Variants in CHIC1 observed in about 807,000 individuals in gnomAD.
The protein encoded by CHIC1 is cysteine-rich hydrophobic domain-containing protein 1.
CHIC1 carries 7 observed loss-of-function variants against 18.5 expected under a neutral mutation model. The ratio of observed to expected loss-of-function variants is 0.38; its 90% confidence interval spans 0.22 to 0.71. The LOEUF is 0.71. Among genes scored for constraint, CHIC1 ranks in the 30% least tolerant of loss-of-function variants. The probability of loss-of-function intolerance (pLI) is 0.49; values close to 1 mark genes in which losing one functional copy is unlikely to be tolerated. For synonymous variants in CHIC1, 77 were observed against 73.5 expected (o/e 1.05, Z -0.25); for missense variants, 159 against 176.9 (o/e 0.90, Z 0.57).
intron 3 of CHIC1, among the ~76,000 whole-genome samples, chrX:73,659,009 CA>C (rs1423965897): frequency 1.8e-5 from 2 of 111,660 alleles, no homozygotes; most frequent in African/African-American, 6.5e-5. Context: ...AGAGTCCCAG[CA>C]GCCATGGCCC....
upstream of CHIC1, chrX:73,563,160 C>A: frequency 3.1e-6 from 1 of 326,859 alleles, no homozygotes. Context: ...CACGCAGGCG[C>A]GTCTCCTCAA....
intron 3 of CHIC1, among the ~76,000 whole-genome samples, chrX:73,673,233 TC>T (rs1297925441): frequency 1.2e-4 from 13 of 111,744 alleles, no homozygotes; most frequent in Admixed American, 9.5e-5. Context: ...CGATGCGGGC[TC>T]TTTTTTGGTT....
At chrX:73,672,926 T>C (rs1468193272) in intron 3 of CHIC1, among the ~76,000 whole-genome samples, 1 of 112,071 alleles carries the variant, frequency 8.9e-6, no homozygotes, top group African/African-American at 3.3e-5. Flanking sequence ...TTAATCCATC[T>C]TGAATTAATT....
At chrX:73,608,497 C>T (rs2057693113) in intron 3 of CHIC1, among the ~76,000 whole-genome samples, 2 of 108,176 alleles carry the variant, frequency 1.8e-5, no homozygotes, top group African/African-American at 7.2e-5. Context: ...GTAGTATTGT[C>T]ATCTTAACAA....
At chrX:73,629,577 A>G (rs2057798126) in intron 3 of CHIC1, among the ~76,000 whole-genome samples, 1 of 112,127 alleles carries the variant, frequency 8.9e-6, no homozygotes, top group South Asian at 3.7e-4. Flanking sequence ...TCCAATGTGT[A>G]TGCTTGTTTT....
At chrX:73,621,680 C>A (rs1453132368) in intron 3 of CHIC1, among the ~76,000 whole-genome samples, 1 of 111,666 alleles carries the variant, frequency 9.0e-6, no homozygotes, top group Non-Finnish European at 1.9e-5. Flanking sequence ...ATTTGAATAC[C>A]CTTTATTTCT....
At chrX:73,651,027 G>A (rs2057913695) in intron 3 of CHIC1, among the ~76,000 whole-genome samples, 1 of 111,732 alleles carries the variant, frequency 8.9e-6, no homozygotes, top group Non-Finnish European at 1.9e-5. Context: ...TGCAAGGCTG[G>A]TTCAACATAC....
At chrX:73,665,105 C>T (rs2057998188) in intron 3 of CHIC1, among the ~76,000 whole-genome samples, 1 of 112,157 alleles carries the variant, frequency 8.9e-6, no homozygotes, top group Non-Finnish European at 1.9e-5. Context: ...TGCCACTTGC[C>T]TAAGACAGGG....
At position 73,683,983 on chromosome X, in the gene CHIC1, G is replaced by T. The variant is rs979248828; in HGVS notation, c.*2978G>T. The T allele has an allele frequency of 1.8e-5, 2 of 112,011 alleles. No homozygotes were observed. The highest frequency in any genetic ancestry group is 6.5e-5 in the African/African-American group (2 of 30,857). 9.2% of individuals were successfully genotyped at this position (112,011 alleles called of 1,213,427 possible). On this transcript the variant is annotated 3_prime_UTR_variant, in exon 6 of 6. Coordinates refer to ENST00000373502, the MANE Select transcript of CHIC1 (RefSeq NM_001039840.4). ...TTAGAAGAAGATGGAGAAGTGCCTT[G>T]TCTTTTTAGAACAAAGATAACACAT...
chrX:73,667,980 GTTTC>G (rs1156903308), intron 3 of CHIC1, among the ~76,000 whole-genome samples: 1 of 111,567 alleles, frequency 9.0e-6, no homozygotes, highest in Non-Finnish European at 1.9e-5. Flanking sequence ...CATTCTCCCA[GTTTC>G]TTTCAGGTAC....
At chrX:73,575,684 T>C (rs1010977618) in intron 1 of CHIC1, among the ~76,000 whole-genome samples, 4 of 108,214 alleles carry the variant, frequency 3.7e-5, no homozygotes, top group African/African-American at 1.4e-4. Context: ...GACCAGAAGT[T>C]GCTCTGTGTG....
intron 3 of CHIC1, among the ~76,000 whole-genome samples, chrX:73,641,369 T>G (rs959097046): frequency 2.7e-5 from 3 of 110,755 alleles, no homozygotes; most frequent in African/African-American, 9.9e-5. Flanking sequence ...AATGTTGAGT[T>G]TGGGACCTTT....
intron 2 of CHIC1, among the ~76,000 whole-genome samples, chrX:73,581,112 G>C (rs914896883): frequency 2.7e-5 from 3 of 110,688 alleles, no homozygotes; most frequent in Admixed American, 9.6e-5. Flanking sequence ...GGGGAGACTA[G>C]TGTGCAGTGT....
At chrX:73,678,633 T>G (rs1262230656) in intron 3 of CHIC1, among the ~76,000 whole-genome samples, 1 of 112,466 alleles carries the variant, frequency 8.9e-6, no homozygotes, top group Admixed American at 9.3e-5. Context: ...TTTATTTTAA[T>G]GTTTTGAAAA....
chrX:73,579,000 TC>T (rs2057514342), intron 2 of CHIC1, among the ~76,000 whole-genome samples: 1 of 110,443 alleles, frequency 9.1e-6, no homozygotes, highest in South Asian at 3.7e-4. Context: ...ATCACAATCT[TC>T]CCCCCAGCCT....
chrX:73,676,110 C>A (rs2058061203), intron 3 of CHIC1, among the ~76,000 whole-genome samples: 1 of 112,224 alleles, frequency 8.9e-6, no homozygotes, highest in Non-Finnish European at 1.9e-5. Flanking sequence ...TGCTGTTAGT[C>A]TGATGGGCTT....
Position 73,685,660 on chromosome X carries a change from G to A in CHIC1, c.*4655G>A, listed in dbSNP as rs2147639215. On this transcript the variant is annotated 3_prime_UTR_variant, in exon 6 of 6. Coordinates refer to ENST00000373502, the MANE Select transcript of CHIC1 (RefSeq NM_001039840.4). ...GGACCTACCTCACAGGGGAATTGAGGATATTTTCATATATTAGTGTGCTTT... is the reference window on the plus strand; with the variant it reads ...GGACCTACCTCACAGGGGAATTGAGAATATTTTCATATATTAGTGTGCTTT... The A allele has an allele frequency of 9.0e-6, 1 of 111,401 alleles. No homozygotes were observed. Among genetic ancestry groups the A allele is most frequent in the Non-Finnish European group, 1.9e-5 (1 of 52,911 alleles). The allele number at this position is 111,401 out of a possible 1,213,427, so 9.2% of individuals were successfully genotyped here.
rs1265567241 is a variant in CHIC1 at position 73,685,917 on chromosome X, T to C, written c.*4912T>C. 9.0e-6 allele frequency: 1 copy of C among 111,255 alleles called. No homozygotes were observed. The highest frequency in any genetic ancestry group is 1.9e-5 in the Non-Finnish European group (1 of 52,882). 9.2% of individuals were successfully genotyped at this position (111,255 alleles called of 1,213,427 possible). On this transcript the variant is annotated 3_prime_UTR_variant, in exon 6 of 6. Transcript: ENST00000373502. ...AAAGCAGGTGGATGTAAATCAGTGA[T>C]TCCCAACTTCAGCAGATGATAGCAG... is the stretch of plus-strand genomic sequence containing the variant.
At chrX:73,613,143 T>A (rs1045342733) in intron 3 of CHIC1, among the ~76,000 whole-genome samples, 1 of 112,227 alleles carries the variant, frequency 8.9e-6, no homozygotes, top group Non-Finnish European at 1.9e-5. Flanking sequence ...TAGTTTTTGT[T>A]TGCATGGAGT....
Sources: allele counts gnomAD v4.1 joint callset (sites outside exome capture counted in the v4.1 genomes callset), GRCh38; gene constraint gnomAD v4.1.1; transcripts MANE v1.5; gene names NCBI Gene and HGNC (gene_info 2026-07-23, HGNC 2026-07-21).